Variants in CDH26 observed in about 807,000 individuals in gnomAD.
CDH26 encodes cadherin-like protein 26.
In CDH26, 83 loss-of-function variants were observed where a neutral mutation model predicts 90.3. The ratio of observed to expected loss-of-function variants is 0.92; its 90% CI spans 0.77 to 1.10. The LOEUF is 1.10. CDH26 is among the 50% of genes least tolerant of loss of function. CDH26 has a pLI of 0.00. For synonymous variants in CDH26, 397 were observed against 396.3 expected (o/e 1.00, Z -0.02); for missense variants, 1,013 against 1,037.6 (o/e 0.98, Z 0.33).
At chr20:59,963,866 A>G (rs1318187130) in intron 1 of CDH26, among the ~76,000 whole-genome samples, 1 of 152,104 alleles carries the variant, frequency 6.6e-6, no homozygotes, top group Non-Finnish European at 1.5e-5. Flanking sequence ...AATAAAAAAA[A>G]AAAAGAGGCT....
chr20:60,033,865 T>C, exon 9 of CDH26: 2 of 800,090 alleles, frequency 2.5e-6, no homozygotes, highest in South Asian at 2.7e-5. Context: ...CTCTGCAAAC[T>C]GTGGATGGCA....
At chr20:59,963,405 C>T (rs2061102895) in intron 1 of CDH26, among the ~76,000 whole-genome samples, 1 of 152,006 alleles carries the variant, frequency 6.6e-6, no homozygotes, top group Non-Finnish European at 1.5e-5. Flanking sequence ...CATGGGCCAC[C>T]ATGCCTGGCT....
chr20:59,971,155 C>A (rs1311053699), intron 3 of CDH26, among the ~76,000 whole-genome samples: 4 of 152,122 alleles, frequency 2.6e-5, no homozygotes, highest in Non-Finnish European at 4.4e-5. Flanking sequence ...ATAGCTGTGG[C>A]ATTCTATGAT....
At position 59,985,135 on chromosome 20, in the gene CDH26, G is replaced by T; in HGVS notation, c.837+6G>T. 6.2e-7 allele frequency: 1 copy of T among 1,610,356 alleles called. No homozygotes were observed. Among genetic ancestry groups the T allele is most frequent in the East Asian group, 2.2e-5 (1 of 44,858 alleles). On this transcript the variant is annotated splice_donor_region_variant and intron_variant, in intron 7 of 17. Coordinates refer to ENST00000348616, the MANE Select transcript of CDH26 (RefSeq NM_177980.4). Reference sequence around the variant, plus strand: ...CTGCATTTACCCAGGAGAACGTGAGGCTCCTGGGCCGCCCCAACGTCTAAG... The same window carrying T: ...CTGCATTTACCCAGGAGAACGTGAGTCTCCTGGGCCGCCCCAACGTCTAAG...
chr20:60,006,548 A>T (rs550991146), intron 16 of CDH26, among the ~76,000 whole-genome samples, 165 bp from the exon 17 acceptor site: 124 of 152,228 alleles, frequency 8.1e-4, no homozygotes, highest in African/African-American at 2.8e-3. Flanking sequence ...CTCTCCCCCA[A>T]CACAAAGAGA....
chr20:60,011,049 G>A (rs184294574), intron 17 of CDH26, among the ~76,000 whole-genome samples: 40 of 152,336 alleles, frequency 2.6e-4, no homozygotes, highest in Non-Finnish European at 7.3e-5. Flanking sequence ...GTGACCAGAA[G>A]AACAAGAAAT....
chr20:60,001,498 T>C, intron 15 of CDH26, 87 bp downstream of exon 15: 4 of 1,541,458 alleles, frequency 2.6e-6, no homozygotes, highest in Non-Finnish European at 3.5e-6. Context: ...TTGTAGAAGA[T>C]TCGGTGATAC....
At chr20:59,968,019 CTCTCTGTCTCTCTCTCTCTCTCTCT>C (rs1569025024) in intron 1 of CDH26, among the ~76,000 whole-genome samples, 22 of 120,226 alleles carry the variant, frequency 1.8e-4, no homozygotes, top group African/African-American at 8.7e-4. Flanking sequence ...TTCTTCCTTT[CTCTCTGTCTCTCTCTCTCTCTCTCT>C]CTCTCTCTGT....
intron 1 of CDH26, among the ~76,000 whole-genome samples, chr20:59,966,526 T>G (rs2061151107): frequency 6.6e-6 from 1 of 152,206 alleles, no homozygotes; most frequent in Non-Finnish European, 1.5e-5. Context: ...TTCTTTTTGG[T>G]TTTTCCTGCA....
At chr20:60,025,608 A>G (rs185192899) in intron 7 of CDH26, among the ~76,000 whole-genome samples, 19 of 152,330 alleles carry the variant, frequency 1.2e-4, no homozygotes, top group Admixed American at 7.8e-4. Flanking sequence ...GGTGAAGGGC[A>G]GATGAACTCG....
chr20:60,008,936 A>T (rs6064878), intron 17 of CDH26, among the ~76,000 whole-genome samples: 2,476 of 152,284 alleles, frequency 0.016, 40 homozygotes, highest in Non-Finnish European at 0.026. Flanking sequence ...CTGTGTACCC[A>T]CAGACTCAGG....
At chr20:60,026,625 G>A (rs146230046) in intron 7 of CDH26, among the ~76,000 whole-genome samples, 1 of 152,200 alleles carries the variant, frequency 6.6e-6, no homozygotes, top group Non-Finnish European at 1.5e-5. Context: ...CCACAAACAA[G>A]GACCTGCATT....
At chr20:59,996,556 CAGAACA>C (rs1681864067) in intron 12 of CDH26, 69 bp from the exon 13 acceptor site, 1 of 1,614,228 alleles carries the variant, frequency 6.2e-7, no homozygotes, top group Non-Finnish European at 8.5e-7. Context: ...TATACATGAA[CAGAACA>C]AGATCCTCAT....
At chr20:59,976,650 A>C (rs1307801682) in intron 4 of CDH26, among the ~76,000 whole-genome samples, 1 of 152,164 alleles carries the variant, frequency 6.6e-6, no homozygotes, top group Non-Finnish European at 1.5e-5. Flanking sequence ...AAATTTAAAA[A>C]TGTATGCTGG....
intron 4 of CDH26, among the ~76,000 whole-genome samples, chr20:59,982,361 A>C (rs921420672): frequency 2.0e-5 from 3 of 152,248 alleles, no homozygotes; most frequent in African/African-American, 4.8e-5. Flanking sequence ...GTGGAAGCTT[A>C]AACAATTGAT....
chr20:59,980,020 C>G (rs1025062228), intron 4 of CDH26, among the ~76,000 whole-genome samples: 1 of 152,076 alleles, frequency 6.6e-6, no homozygotes, highest in Non-Finnish European at 1.5e-5. Flanking sequence ...ATGTTTAACT[C>G]GATAAGCAAT....
rs1465531051 is a variant in CDH26, at chr20:59,967,902, TTCC to T, written c.70-1063_70-1061del. Reference sequence around the variant, plus strand: ...CTTCCTTCCTTCCTTCCTTCCTTCCTTCCTTCCTTTCCTTTCCTTTCCTTTCCT... The same window carrying T: ...CTTCCTTCCTTCCTTCCTTCCTTCCTTTCCTTTCCTTTCCTTTCCTTTCCT... On this transcript the variant is annotated intron_variant, in intron 1 of 17. Coordinates refer to ENST00000348616, the MANE Select transcript of CDH26 (RefSeq NM_177980.4). Among the ~76,000 whole-genome samples the T allele has an allele frequency of 4.1e-3, 470 of 114,496 alleles. 4 individuals are homozygous for T. Among genetic ancestry groups the T allele is most frequent in the African/African-American group, 9.5e-3 (195 of 20,522 alleles). The allele number at this position is 114,496 out of a possible 152,430, so 75.1% of individuals were successfully genotyped here.
intron 4 of CDH26, among the ~76,000 whole-genome samples, chr20:59,977,135 G>A (rs1273432480): frequency 1.3e-5 from 2 of 152,140 alleles, no homozygotes; most frequent in East Asian, 1.9e-4. Context: ...GGGCTTCCGC[G>A]GGGATGAGCA....
chr20:59,960,061 C>T (rs1203777401), intron 1 of CDH26, among the ~76,000 whole-genome samples: 1 of 152,182 alleles, frequency 6.6e-6, no homozygotes, highest in Non-Finnish European at 1.5e-5. Context: ...GCTTGGCGTC[C>T]TGACCTAGGC....
Sources: gnomAD v4.1 joint callset for allele counts (sites outside exome capture counted in the v4.1 genomes callset) on GRCh38, gnomAD v4.1.1 for gene constraint, MANE v1.5 for transcripts, NCBI Gene and HGNC (gene_info 2026-07-23, HGNC 2026-07-21) for gene names.